LGSN: variants seen among roughly 807,000 people sequenced by gnomAD.
LGSN encodes the protein lengsin, lens protein with glutamine synthetase domain.
Under a neutral mutation model 19.5 loss-of-function variants are expected in LGSN, and 21 were observed. The ratio of observed to expected loss-of-function variants is 1.07; its 90% confidence interval spans 0.76 to 1.55. LGSN has a LOEUF of 1.55. LGSN is among the 40% of genes most tolerant of loss of function. The pLI is 0.00. For synonymous variants in LGSN, 257 were observed against 215.6 expected (o/e 1.19, Z -1.68); for missense variants, 673 against 608.5 (o/e 1.11, Z -1.12).
At chr6:63,372,495 G>T in the LGSN span, among the ~76,000 whole-genome samples, 1 of 152,220 alleles carries the variant, frequency 6.6e-6, no homozygotes, top group African/African-American at 2.4e-5. Flanking sequence ...GTGGTAAGAG[G>T]GGGGGAAATA....
At chr6:63,451,414 A>G in the LGSN span, among the ~76,000 whole-genome samples, 1 of 152,226 alleles carries the variant, frequency 6.6e-6, no homozygotes, top group Non-Finnish European at 1.5e-5. Context: ...GCAGCTGTAT[A>G]AAAGAATGAG....
intron 2 of LGSN, 129 bp downstream of exon 2, chr6:63,294,784 T>C (rs1199854284): frequency 1.9e-5 from 16 of 863,912 alleles, no homozygotes; most frequent in South Asian, 3.0e-5. Flanking sequence ...ATGACACTTA[T>C]GTAGGAATAA....
the LGSN span, among the ~76,000 whole-genome samples, chr6:63,511,054 T>C: frequency 6.6e-6 from 1 of 151,974 alleles, no homozygotes; most frequent in Non-Finnish European, 1.5e-5. Flanking sequence ...AATAAGGAGA[T>C]CAATGGTGCT....
At chr6:63,535,520 A>G in the LGSN span, among the ~76,000 whole-genome samples, 1 of 152,240 alleles carries the variant, frequency 6.6e-6, no homozygotes, top group Non-Finnish European at 1.5e-5. Flanking sequence ...TAAATGGTGA[A>G]TAAACTTCAT....
the LGSN span, among the ~76,000 whole-genome samples, chr6:63,459,557 G>A: frequency 4.7e-5 from 6 of 128,882 alleles, no homozygotes; most frequent in African/African-American, 1.4e-4. Flanking sequence ...ACCCACCCCC[G>A]CCGCCCCCAA....
the LGSN span, among the ~76,000 whole-genome samples, chr6:63,345,145 A>G: frequency 3.3e-5 from 5 of 152,220 alleles, no homozygotes; most frequent in Non-Finnish European, 5.9e-5. Context: ...AATTATTAGC[A>G]ATATTATTAT....
the LGSN span, among the ~76,000 whole-genome samples, chr6:63,513,059 C>A: frequency 1.3e-5 from 2 of 152,180 alleles, no homozygotes; most frequent in African/African-American, 4.8e-5. Context: ...GGGAGGCAAT[C>A]CCTAGTCCAT....
chr6:63,553,019 T>C, the LGSN span, among the ~76,000 whole-genome samples: 2 of 152,192 alleles, frequency 1.3e-5, no homozygotes, highest in Non-Finnish European at 2.9e-5. Context: ...ATGATGTAGG[T>C]AGTTGCACGA....
rs532935694 is a variant in LGSN, at chr6:63,279,102, T to C, written c.*919A>G. The C allele has an allele frequency of 2.4e-4, 37 of 152,306 alleles. No individual in the cohort carries two copies. Among genetic ancestry groups the C allele is most frequent in the African/African-American group, 8.9e-4 (37 of 41,564 alleles). The allele number at this position is 152,306 out of a possible 1,614,324, so 9.4% of individuals were successfully genotyped here. A position where few individuals can be genotyped will look rare whatever the true frequency, so the allele number is the denominator to read the frequency against. On this transcript the variant is annotated 3_prime_UTR_variant, in exon 4 of 4. Coordinates refer to ENST00000370657, the MANE Select transcript of LGSN (RefSeq NM_016571.3). ...GGTACCAACCTCTGTGAGCAGCAGA[T>C]TCAGTAATTTGAATAACAAACTTAA...
At chr6:63,518,875 G>A in the LGSN span, among the ~76,000 whole-genome samples, 1 of 152,108 alleles carries the variant, frequency 6.6e-6, no homozygotes, top group African/African-American at 2.4e-5. Context: ...AGACTGTTTT[G>A]GAAGTCAGTA....
At chr6:63,407,797 A>T in the LGSN span, among the ~76,000 whole-genome samples, 1 of 152,212 alleles carries the variant, frequency 6.6e-6, no homozygotes, top group Non-Finnish European at 1.5e-5. Flanking sequence ...CTCAGCCCAA[A>T]ATCTCCTTAA....
At chr6:63,505,626 A>AAAGAAAGAAAGAAAGG in the LGSN span, among the ~76,000 whole-genome samples, 4 of 130,688 alleles carry the variant, frequency 3.1e-5, no homozygotes, top group Non-Finnish European at 6.4e-5. Flanking sequence ...AGAAAGAAAG[A>AAAGAAAGAAAGAAAGG]AAGAAAGAAA....
chr6:63,289,778 C>T (rs1767694734), intron 2 of LGSN, among the ~76,000 whole-genome samples: 1 of 152,100 alleles, frequency 6.6e-6, no homozygotes, highest in Admixed American at 6.5e-5. Context: ...TTTGGGCTTT[C>T]AGAAATACCA....
At chr6:63,301,359 T>C (rs537759107) in intron 1 of LGSN, among the ~76,000 whole-genome samples, 1 of 152,258 alleles carries the variant, frequency 6.6e-6, no homozygotes, top group African/African-American at 2.4e-5. Flanking sequence ...AGATTGTTTT[T>C]GATGAGAAAA....
chr6:63,432,160 A>AGAAAGGAAGG, the LGSN span, among the ~76,000 whole-genome samples: 6 of 99,996 alleles, frequency 6.0e-5, no homozygotes, highest in African/African-American at 8.6e-5. Flanking sequence ...AAAGAAAGAA[A>AGAAAGGAAGG]GAAAGAAAGA....
the LGSN span, chr6:63,549,048 G>A: frequency 7.7e-3 from 5,578 of 723,634 alleles, 82 homozygotes; most frequent in Non-Finnish European, 0.012. Flanking sequence ...AATCACCACC[G>A]GCTGAGCTTT....
the LGSN span, among the ~76,000 whole-genome samples, chr6:63,569,612 C>G: frequency 1.3e-5 from 2 of 152,182 alleles, no homozygotes; most frequent in Non-Finnish European, 2.9e-5. Context: ...CAACTGCTGG[C>G]TTTTATATTT....
intron 1 of LGSN, among the ~76,000 whole-genome samples, chr6:63,316,781 T>C (rs974908423): frequency 7.9e-5 from 12 of 151,948 alleles, no homozygotes; most frequent in African/African-American, 2.9e-4. Context: ...AATATATATT[T>C]ATGATAATGG....
chr6:63,550,621 T>A, the LGSN span: 2 of 152,572 alleles, frequency 1.3e-5, no homozygotes, highest in Admixed American at 1.3e-4. Context: ...TTTTGGTTGG[T>A]TGGTTGGTTG....
Sources: allele counts gnomAD v4.1 joint callset (sites outside exome capture counted in the v4.1 genomes callset), GRCh38; gene constraint gnomAD v4.1.1; transcripts MANE v1.5; gene names NCBI Gene and HGNC (gene_info 2026-07-23, HGNC 2026-07-21).